Variants in PSME4 observed in about 807,000 individuals in gnomAD.
PSME4 encodes proteasome activator subunit 4.
PSME4 carries 89 observed loss-of-function variants against 253.9 expected under a neutral mutation model. The ratio of observed to expected loss-of-function variants is 0.35; its 90% confidence interval spans 0.30 to 0.42. The LOEUF (loss-of-function observed/expected upper bound fraction) is 0.42. Among genes scored for constraint, PSME4 ranks in the 10% least tolerant of loss-of-function variants. The pLI, the probability that PSME4 is intolerant of heterozygous loss-of-function variation, is 1.00. For synonymous variants in PSME4, 851 were observed against 759.2 expected (o/e 1.12, Z -1.99); for missense variants, 2,014 against 2,195.2 (o/e 0.92, Z 1.65).
At chr2:53,918,465 C>T (rs778226981) in intron 20 of PSME4, among the ~76,000 whole-genome samples, 2 of 152,072 alleles carry the variant, frequency 1.3e-5, no homozygotes, top group Non-Finnish European at 2.9e-5. Context: ...GCAATCCTCC[C>T]ACCTCAGCTG....
At chr2:53,908,441 G>A (rs1667667453) in intron 23 of PSME4, 23 bp from the exon 24 acceptor site, 17 of 1,611,956 alleles carry the variant, frequency 1.1e-5, no homozygotes, top group Non-Finnish European at 1.4e-5. Flanking sequence ...ATTTCAAATT[G>A]TATTTGCAAG....
At chr2:53,889,228 G>A (rs1679786196) in intron 37 of PSME4, among the ~76,000 whole-genome samples, 1 of 152,094 alleles carries the variant, frequency 6.6e-6, no homozygotes, top group African/African-American at 2.4e-5. Flanking sequence ...GGTATCTGTG[G>A]TGGATTGGTT....
intron 31 of PSME4, among the ~76,000 whole-genome samples, chr2:53,897,167 G>GT (rs1056577962): frequency 0.28 from 33,843 of 122,156 alleles, 5,100 homozygotes; most frequent in South Asian, 0.45. Context: ...TAGCCTCAGG[G>GT]TTTTTTTTTT....
In PSME4 at chr2:53,875,620, C is replaced by T. The variant is rs764425037; in HGVS notation, c.4944+7G>A. The T allele has an allele frequency of 6.3e-7, 1 of 1,598,064 alleles. No individual in the cohort carries two copies. On this transcript the variant is annotated splice_region_variant and intron_variant, in intron 42 of 46. Transcript: ENST00000404125. Reference sequence around the variant, plus strand: ...TCAAAAGACATAAATATTATAAACACTCTTACTTGTTTTAGCACCTGAAGT... The same window carrying T: ...TCAAAAGACATAAATATTATAAACATTCTTACTTGTTTTAGCACCTGAAGT...
At chr2:53,903,877 A>AT (rs139699275) in intron 27 of PSME4, 148 bp downstream of exon 27, 107,582 of 629,924 alleles carry the variant, frequency 0.17, 10,574 homozygotes, top group East Asian at 0.36. Flanking sequence ...ATTAAAAAAA[A>AT]GAACAGATAT....
chr2:53,913,455 A>G (rs1347923201), intron 20 of PSME4, among the ~76,000 whole-genome samples: 1 of 152,246 alleles, frequency 6.6e-6, no homozygotes, highest in Non-Finnish European at 1.5e-5. Context: ...AATTGTCATG[A>G]AACAGCTGTA....
intron 3 of PSME4, 21 bp from the exon 4 acceptor site, chr2:53,940,021 GATA>G (rs1669315981): frequency 6.5e-7 from 1 of 1,529,716 alleles, no homozygotes; most frequent in Non-Finnish European, 9.0e-7. Context: ...AAAGCCATTT[GATA>G]ATTAGATTGG....
chr2:53,947,582 T>G (rs1215038299), intron 3 of PSME4, among the ~76,000 whole-genome samples: 1 of 152,160 alleles, frequency 6.6e-6, no homozygotes, highest in Non-Finnish European at 1.5e-5. Flanking sequence ...GGTGGGCACC[T>G]GTAGTCCCAG....
At chr2:53,892,708 T>G in intron 36 of PSME4, 100 bp downstream of exon 36, 1 of 1,117,386 alleles carries the variant, frequency 8.9e-7, no homozygotes, top group Non-Finnish European at 1.3e-6. Context: ...ACTGAAGATT[T>G]CATATTTTAA....
rs1428641894 is a variant in PSME4, at chr2:53,899,999, C to G, written c.3304G>C (p.Glu1102Gln). 6.2e-7 allele frequency: 1 copy of G among 1,612,534 alleles called. No individual in the cohort carries two copies. The highest frequency in any genetic ancestry group is 8.5e-7 in the Non-Finnish European group (1 of 1,179,430). ...GACTGTTGAAGTAATTCCGCTATTT[C>G]AACACATGACTTTGGAATCTTGTTA... The part of the protein sequence containing the change: ...LDFTIPKSCV[E>Q]IAELLQQSKN... Residue 1102 changes from glutamate (E) to glutamine (Q), a missense_variant, in exon 29 of 47, where the codon GAA becomes CAA. Physicochemically the swap from Glu to Gln is conservative, Grantham distance 29. This residue lies in a region of PSME4 where 989 missense variants were observed against 1,021.1 expected (regional missense o/e 0.97). Transcript: ENST00000404125.
chr2:53,923,059 C>A lies in PSME4; in HGVS notation c.1968G>T (p.Gln656His), dbSNP rs572865870. 1.3e-6 allele frequency: 2 copies of A among 1,575,502 alleles called. No homozygotes were observed. Among genetic ancestry groups the A allele is most frequent in the Non-Finnish European group, 1.7e-6 (2 of 1,158,830 alleles). ...GACCTTATGACTTACTCATTGTAAG[C>A]TGAGTTATAACACTGCAGCAGTGGG... ...FVPHCCSVIT[Q>H]LTMNDDVLND... The change falls in exon 16 of 47, where the codon CAG (glutamine) becomes CAT (histidine). Residue 656 changes from glutamine (Q) to histidine (H), a missense_variant. Coordinates refer to ENST00000404125, the MANE Select transcript of PSME4 (RefSeq NM_014614.3).
chr2:53,947,196 A>C (rs1325949544), intron 3 of PSME4, among the ~76,000 whole-genome samples: 2 of 152,182 alleles, frequency 1.3e-5, no homozygotes, highest in Non-Finnish European at 2.9e-5. Context: ...TGCCATCTGC[A>C]CTCATTTTCA....
chr2:53,949,967 T>C (rs1483580959), intron 1 of PSME4, among the ~76,000 whole-genome samples: 1 of 152,182 alleles, frequency 6.6e-6, no homozygotes, highest in Non-Finnish European at 1.5e-5. Context: ...AAAAAATTGT[T>C]CTGTACTTCA....
At chr2:53,907,235 G>A (rs1413881477) in intron 24 of PSME4, among the ~76,000 whole-genome samples, 3 of 152,134 alleles carry the variant, frequency 2.0e-5, no homozygotes, top group African/African-American at 7.2e-5. Context: ...AATAGCCATA[G>A]CCTTTCAGGG....
rs1678478804 is a variant in PSME4, at chr2:53,864,528, A to C, written c.*1050T>G. 6.6e-6 allele frequency: 1 copy of C among 152,626 alleles called. No individual in the cohort carries two copies. Among genetic ancestry groups the C allele is most frequent in the African/African-American group, 2.4e-5 (1 of 41,460 alleles). 9.5% of individuals were successfully genotyped at this position (152,626 alleles called of 1,614,324 possible). ...GGCATTCAGTGGGTACAAAGCCCAA[A>C]ATCACTATAATAAAGAACTACACGT... On this transcript the variant is annotated 3_prime_UTR_variant, in exon 47 of 47. Coordinates refer to ENST00000404125, the MANE Select transcript of PSME4 (RefSeq NM_014614.3).
chr2:53,931,478 A>G (rs1254342259), intron 10 of PSME4, among the ~76,000 whole-genome samples: 2 of 152,204 alleles, frequency 1.3e-5, no homozygotes, highest in African/African-American at 4.8e-5. Flanking sequence ...CACTGATTCT[A>G]AGAAATAAAA....
chr2:53,889,002 A>G (rs1679767665), intron 37 of PSME4, among the ~76,000 whole-genome samples, 190 bp from the exon 38 acceptor site: 1 of 152,282 alleles, frequency 6.6e-6, no homozygotes, highest in South Asian at 2.1e-4. Context: ...AGTAGCTGGG[A>G]CCACAGGCAT....
chr2:53,968,294 A>T (rs559952933), intron 1 of PSME4, among the ~76,000 whole-genome samples: 1 of 151,980 alleles, frequency 6.6e-6, no homozygotes, highest in South Asian at 2.1e-4. Flanking sequence ...AAAAAAAAGA[A>T]TTATTTAGTC....
intron 3 of PSME4, among the ~76,000 whole-genome samples, chr2:53,943,442 C>A (rs753874739): frequency 3.3e-5 from 5 of 150,496 alleles, no homozygotes; most frequent in African/African-American, 7.3e-5. Flanking sequence ...CATCTCATAT[C>A]TTATCTTCAA....
Sources: gnomAD v4.1 joint callset for allele counts (sites outside exome capture counted in the v4.1 genomes callset) on GRCh38, gnomAD v4.1.1 for gene constraint, gnomAD v4.1.1 regional missense constraint, MANE v1.5 for transcripts, NCBI Gene and HGNC (gene_info 2026-07-23, HGNC 2026-07-21) for gene names.